The following FBXO34 variants were observed in gnomAD, a reference collection of about 807,000 sequenced individuals.
FBXO34 encodes the protein F-box only protein 34.
Under a neutral mutation model 24.5 loss-of-function variants are expected in FBXO34, and 12 were observed. That is an observed-to-expected ratio of 0.49 (90% CI 0.31 to 0.79). The LOEUF (loss-of-function observed/expected upper bound fraction) is 0.79, where lower values mean the gene tolerates loss of function less well. FBXO34 is among the 30% of genes least tolerant of loss of function. The pLI, the probability that FBXO34 is intolerant of heterozygous loss-of-function variation, is 0.04. For missense variants in FBXO34, 823 were observed against 857.7 expected (o/e 0.96, Z 0.51); for synonymous variants, 320 against 311.9 (o/e 1.03, Z -0.27).
chr14:55,343,334 C>G (rs1884054258), intron 1 of FBXO34, among the ~76,000 whole-genome samples: 1 of 151,610 alleles, frequency 6.6e-6, no homozygotes, highest in Non-Finnish European at 1.5e-5. Flanking sequence ...TCACTGCAAC[C>G]TCTGCCTCCC....
chr14:55,360,681 ATTGTAAG>A (rs1884582053), intron 3 of FBXO34, among the ~76,000 whole-genome samples: 1 of 152,052 alleles, frequency 6.6e-6, no homozygotes, highest in Non-Finnish European at 1.5e-5. Flanking sequence ...AGTAGAAAGG[ATTGTAAG>A]CCAAACTCCT....
At chr14:55,367,956 AG>A (rs1884719729) in exon 3 of FBXO34, 2 of 152,636 alleles carry the variant, frequency 1.3e-5, no homozygotes, top group African/African-American at 4.8e-5. Flanking sequence ...TATTATGATG[AG>A]AAAAGAAGCT....
chr14:55,299,272 C>G (rs1028607105), intron 1 of FBXO34: 2 of 772,606 alleles, frequency 2.6e-6, no homozygotes, highest in African/African-American at 3.4e-5. Flanking sequence ...CTGGGTCCAG[C>G]GCGGGCAGGA....
At chr14:55,373,767 A>AT (rs530408929), downstream of FBXO34, among the ~76,000 whole-genome samples, 1,416 of 147,762 alleles carry the variant, frequency 9.6e-3, 30 homozygotes, top group African/African-American at 0.034. Flanking sequence ...TCCTATTTTT[A>AT]TTTTTTTGTA....
intron 1 of FBXO34, among the ~76,000 whole-genome samples, chr14:55,277,996 A>C (rs1189666593): frequency 6.6e-6 from 1 of 152,156 alleles, no homozygotes; most frequent in East Asian, 1.9e-4. Context: ...CCTGAATGAC[A>C]CTGCAGAGCT....
In FBXO34 at chr14:55,312,202, AAAAC is replaced by A. The variant is rs373968573; in HGVS notation, c.-10-38163_-10-38160del. 1.0e-3 allele frequency among the ~76,000 whole-genome samples: 152 copies of A among 149,372 alleles called. 3 individuals carry two copies. Among genetic ancestry groups the A allele is most frequent in the African/African-American group, 2.6e-3 (109 of 41,312 alleles). ...GAGACACAGTGTGAGACTTTGTCTCAAAACAAACAAACAAACAAAAAACCTTAAA... is the reference window on the plus strand; with the variant it reads ...GAGACACAGTGTGAGACTTTGTCTCAAAACAAACAAACAAAAAACCTTAAA... On this transcript the variant is annotated intron_variant, in intron 1 of 1. Coordinates refer to ENST00000313833, the MANE Select transcript of FBXO34 (RefSeq NM_017943.4).
the FBXO34 span, among the ~76,000 whole-genome samples, chr14:55,424,715 A>G: frequency 2.6e-5 from 4 of 152,336 alleles, no homozygotes; most frequent in South Asian, 2.1e-4. Flanking sequence ...GGCCACTGCT[A>G]TTTGTATTTG....
intron 1 of FBXO34, chr14:55,318,331 G>T (rs1883002335): frequency 1.5e-5 from 1 of 66,666 alleles, no homozygotes; most frequent in African/African-American, 7.1e-5. Flanking sequence ...TGGTTTGCAA[G>T]TCATATATAT....
the FBXO34 span, among the ~76,000 whole-genome samples, chr14:55,418,441 G>A: frequency 6.6e-6 from 1 of 152,172 alleles, no homozygotes; most frequent in African/African-American, 2.4e-5. Flanking sequence ...TGCCACAGTC[G>A]TGTGTGTATA....
chr14:55,296,172 A>T (rs1391206504), intron 1 of FBXO34, among the ~76,000 whole-genome samples: 2 of 152,166 alleles, frequency 1.3e-5, no homozygotes, highest in African/African-American at 4.8e-5. Flanking sequence ...AAATAAAGCC[A>T]GAGTTGGCTC....
At chr14:55,295,316 G>A (rs1020883108) in intron 1 of FBXO34, among the ~76,000 whole-genome samples, 3 of 151,626 alleles carry the variant, frequency 2.0e-5, no homozygotes, top group Non-Finnish European at 4.4e-5. Context: ...CGTGGACTAG[G>A]CCTTATGCTA....
At chr14:55,356,810 A>T (rs576848831), downstream of FBXO34, among the ~76,000 whole-genome samples, 1 of 151,952 alleles carries the variant, frequency 6.6e-6, no homozygotes, top group Non-Finnish European at 1.5e-5. Flanking sequence ...GTGCAGTGGC[A>T]TGATCTCGAC....
intron 1 of FBXO34, among the ~76,000 whole-genome samples, chr14:55,323,212 A>ATATATAT (rs1199201615): frequency 2.6e-4 from 10 of 39,020 alleles, no homozygotes; most frequent in South Asian, 9.8e-4. Context: ...AAAAAAAAAA[A>ATATATAT]AAAAAAATAT....
At chr14:55,296,574 T>C (rs531487809) in intron 1 of FBXO34, among the ~76,000 whole-genome samples, 1 of 151,870 alleles carries the variant, frequency 6.6e-6, no homozygotes, top group Non-Finnish European at 1.5e-5. Context: ...TTTTTTGTAT[T>C]TTTAGTAGAG....
chr14:55,408,341 G>C, the FBXO34 span, among the ~76,000 whole-genome samples: 1 of 152,216 alleles, frequency 6.6e-6, no homozygotes, highest in Admixed American at 6.5e-5. Context: ...TGTAGTCCCA[G>C]ATACCAGGGA....
chr14:55,346,751 C>G (rs925692424), intron 1 of FBXO34, among the ~76,000 whole-genome samples: 1 of 151,998 alleles, frequency 6.6e-6, no homozygotes, highest in Non-Finnish European at 1.5e-5. Flanking sequence ...ACCTTCAGCT[C>G]TAGAAGCCAG....
At chr14:55,347,885 G>A (rs1884210856) in intron 1 of FBXO34, among the ~76,000 whole-genome samples, 1 of 152,198 alleles carries the variant, frequency 6.6e-6, no homozygotes, top group Non-Finnish European at 1.5e-5. Context: ...TGTGTAATGA[G>A]ATCATTATGT....
intron 1 of FBXO34, among the ~76,000 whole-genome samples, chr14:55,349,564 C>T (rs931108547): frequency 1.3e-5 from 2 of 149,428 alleles, no homozygotes; most frequent in East Asian, 2.0e-4. Context: ...TCTAAATATT[C>T]AGTATTCAGT....
chr14:55,418,325 T>A, the FBXO34 span, among the ~76,000 whole-genome samples: 1 of 152,234 alleles, frequency 6.6e-6, no homozygotes, highest in Non-Finnish European at 1.5e-5. Flanking sequence ...GTTTATAAGT[T>A]CATCCCTACC....
Sources: allele counts gnomAD v4.1 joint callset (sites outside exome capture counted in the v4.1 genomes callset), GRCh38; gene constraint gnomAD v4.1.1; transcripts MANE v1.5; gene names NCBI Gene and HGNC (gene_info 2026-07-23, HGNC 2026-07-21).